KLHL15: variants seen among roughly 807,000 people sequenced by gnomAD.
KLHL15 encodes kelch-like protein 15.
In KLHL15, 1 loss-of-function variant was observed where a neutral mutation model predicts 29.3. The observed-to-expected ratio is 0.03, with a 90% CI of 0.01 to 0.16. KLHL15 has a LOEUF of 0.16. Among genes scored for constraint, KLHL15 ranks in the 10% least tolerant of loss-of-function variants. The pLI is 1.00. For missense variants in KLHL15, 215 were observed against 478.5 expected (o/e 0.45, Z 5.14); for synonymous variants, 212 against 184.5 (o/e 1.15, Z -1.21).
rs1299715331 is a variant in KLHL15, at chrX:23,984,302, G to C, written c.*3619C>G. On this transcript the variant is annotated 3_prime_UTR_variant, in exon 4 of 4. Transcript: ENST00000328046. Reference sequence around the variant, plus strand: ...TGAATATTTGACTTTATAAACTCTGGATAAACTAATTTTTAGGACTTCCAT... The same window carrying C: ...TGAATATTTGACTTTATAAACTCTGCATAAACTAATTTTTAGGACTTCCAT... The C allele has an allele frequency of 1.8e-5, 2 of 111,614 alleles. No homozygotes were observed. Among genetic ancestry groups the C allele is most frequent in the Non-Finnish European group, 3.8e-5 (2 of 53,041 alleles). The allele number at this position is 111,614 out of a possible 1,213,427, so 9.2% of individuals were successfully genotyped here.
intron 3 of KLHL15, among the ~76,000 whole-genome samples, chrX:23,993,879 AT>A (rs1320870480): frequency 1.9e-5 from 2 of 107,136 alleles, no homozygotes; most frequent in South Asian, 4.2e-4. Flanking sequence ...AATAATAATA[AT>A]TAAAAAAATA....
intron 3 of KLHL15, among the ~76,000 whole-genome samples, chrX:24,000,644 T>C (rs1929294757): frequency 1.8e-5 from 2 of 112,361 alleles, no homozygotes; most frequent in South Asian, 3.6e-4. Flanking sequence ...TCATTAGATA[T>C]AAATGAACTG....
chrX:24,007,083 T>C (rs1929459454), intron 2 of KLHL15, among the ~76,000 whole-genome samples: 1 of 110,598 alleles, frequency 9.0e-6, no homozygotes, highest in Non-Finnish European at 1.9e-5. Flanking sequence ...AGCCCCAGCT[T>C]CTTCAGAGGC....
At chrX:23,996,879 A>G (rs1409015340) in intron 3 of KLHL15, among the ~76,000 whole-genome samples, 1 of 112,400 alleles carries the variant, frequency 8.9e-6, no homozygotes, top group Non-Finnish European at 1.9e-5. Context: ...ATATGCCTTT[A>G]ATCAATCCCT....
At chrX:24,025,434 C>G (rs1602022515) in intron 1 of KLHL15, among the ~76,000 whole-genome samples, 1 of 104,858 alleles carries the variant, frequency 9.5e-6, no homozygotes, top group East Asian at 3.1e-4. Context: ...GGGAGCCGCC[C>G]GGGGCCCGCC....
chrX:24,020,613 T>C (rs1663796722), intron 2 of KLHL15, among the ~76,000 whole-genome samples: 1 of 111,356 alleles, frequency 9.0e-6, no homozygotes, highest in African/African-American at 3.3e-5. Context: ...AAAACCCTGC[T>C]TGAATGCTAT....
chrX:24,013,429 AT>A (rs938763818), intron 2 of KLHL15, among the ~76,000 whole-genome samples: 3 of 108,790 alleles, frequency 2.8e-5, no homozygotes, highest in Non-Finnish European at 5.7e-5. Flanking sequence ...GACTCGGCTA[AT>A]TTTTTTTTAT....
chrX:24,017,268 C>T (rs1929706825), intron 2 of KLHL15, among the ~76,000 whole-genome samples: 1 of 108,924 alleles, frequency 9.2e-6, no homozygotes, highest in African/African-American at 3.3e-5. Flanking sequence ...ATAGTGTGGT[C>T]GGAAAGAGCA....
chrX:24,007,768 T>A (rs994717587), intron 2 of KLHL15, among the ~76,000 whole-genome samples: 3 of 110,061 alleles, frequency 2.7e-5, no homozygotes, highest in Non-Finnish European at 3.8e-5. Context: ...GTTGTACATA[T>A]AAGGTTTTTC....
At chrX:24,012,910 A>C (rs939143270) in intron 2 of KLHL15, among the ~76,000 whole-genome samples, 1 of 111,847 alleles carries the variant, frequency 8.9e-6, no homozygotes, top group Admixed American at 9.6e-5. Flanking sequence ...TGAAATTAAT[A>C]ACAAATTTTT....
intron 3 of KLHL15, among the ~76,000 whole-genome samples, chrX:24,004,172 C>T (rs1269211833): frequency 1.8e-5 from 2 of 110,570 alleles, no homozygotes; most frequent in African/African-American, 6.6e-5. Context: ...CTGTTACTAC[C>T]AAAGGAAGAA....
intron 1 of KLHL15, among the ~76,000 whole-genome samples, chrX:24,025,908 C>T (rs1187487765): frequency 1.8e-5 from 2 of 111,079 alleles, no homozygotes; most frequent in Non-Finnish European, 3.8e-5. Context: ...CTGTCCTCGT[C>T]CCCTTGCAGC....
At chrX:24,025,383 AGCCGGGGGCCGCTCCGGGCCGCGC>A (rs1350938910) in intron 1 of KLHL15, among the ~76,000 whole-genome samples, 2 of 102,783 alleles carry the variant, frequency 1.9e-5, no homozygotes, top group Admixed American at 2.0e-4. Flanking sequence ...CGGGGCCACG[AGCCGGGGGCCGCTCCGGGCCGCGC>A]GCCCCCTGCG....
chrX:24,010,599 A>G (rs1382413759), intron 2 of KLHL15, among the ~76,000 whole-genome samples: 1 of 112,176 alleles, frequency 8.9e-6, no homozygotes, highest in African/African-American at 3.2e-5. Flanking sequence ...CATATGTTGC[A>G]GCTATTTTCT....
In KLHL15 at chrX:23,988,196, C is replaced by T; in HGVS notation, c.1540G>A (p.Val514Ile). The change falls in exon 4 of 4, where the codon GTA becomes ATA. Residue 514 changes from valine to isoleucine, a missense_variant. Val to Ile is a conservative substitution (Grantham distance 29, BLOSUM62 3). Coordinates refer to ENST00000328046, the MANE Select transcript of KLHL15 (RefSeq NM_030624.3). ...CACTGATCAGTCTCTGGGTTGTATA[C>T]TTCTGTAGAAGGGCATCCCTGAGAT... ...FESQGCPSTE[V>I]YNPETDQWTI... The T allele has an allele frequency of 2.5e-6, 3 of 1,212,107 alleles. No individual in the cohort carries two copies. Among genetic ancestry groups the T allele is most frequent in the Non-Finnish European group, 3.3e-6 (3 of 895,535 alleles).
At chrX:24,012,869 A>G (rs969167118) in intron 2 of KLHL15, among the ~76,000 whole-genome samples, 10 of 111,726 alleles carry the variant, frequency 9.0e-5, no homozygotes, top group Non-Finnish European at 1.9e-4. Context: ...TTAAAGGTTC[A>G]CTTATCTAAG....
intron 2 of KLHL15, among the ~76,000 whole-genome samples, chrX:24,007,983 T>C (rs1929489487): frequency 9.0e-6 from 1 of 111,148 alleles, no homozygotes. Context: ...TAAATACGCA[T>C]ATATTTGTTA....
intron 3 of KLHL15, among the ~76,000 whole-genome samples, chrX:24,004,603 C>T (rs1321851051): frequency 9.2e-6 from 1 of 109,266 alleles, no homozygotes; most frequent in African/African-American, 3.3e-5. Context: ...CCAGCCTGGC[C>T]AAGATGATGA....
intron 3 of KLHL15, among the ~76,000 whole-genome samples, chrX:23,997,730 CA>C (rs59857010): frequency 0.11 from 2,557 of 23,626 alleles, 15 homozygotes; most frequent in African/African-American, 0.19. Context: ...GACTCTGTCT[CA>C]AAAAAAAAAA....
Sources: allele counts gnomAD v4.1 joint callset (sites outside exome capture counted in the v4.1 genomes callset), GRCh38; gene constraint gnomAD v4.1.1; transcripts MANE v1.5; gene names NCBI Gene and HGNC (gene_info 2026-07-23, HGNC 2026-07-21).